MECOM: variants seen among roughly 807,000 people sequenced by gnomAD.
MECOM encodes MDS1 and EVI1 complex locus.
In MECOM, 13 loss-of-function variants were observed where a neutral mutation model predicts 116.3. The ratio of observed to expected loss-of-function variants is 0.11; its 90% CI spans 0.07 to 0.18. The LOEUF (loss-of-function observed/expected upper bound fraction) is 0.18. Among genes scored for constraint, MECOM ranks in the 10% least tolerant of loss-of-function variants. The pLI, the probability that MECOM is intolerant of heterozygous loss-of-function variation, is 1.00. For synonymous variants in MECOM, 528 were observed against 535.2 expected, an observed-to-expected ratio of 0.99 and a Z score of 0.19; for missense variants, 1,299 against 1,509.0, an observed-to-expected ratio of 0.86 and a Z score of 2.31.
intron 3 of MECOM, among the ~76,000 whole-genome samples, chr3:169,132,596 T>TACG: frequency 6.6e-6 from 1 of 152,142 alleles, no homozygotes; most frequent in Non-Finnish European, 1.5e-5. Flanking sequence ...AGACCAATTA[T>TACG]ATTATACCAC....
At chr3:169,101,021 G>T (rs767244139) in intron 11 of MECOM, 59 bp from the exon 12 acceptor site, 6 of 1,215,666 alleles carry the variant, frequency 4.9e-6, no homozygotes, top group Non-Finnish European at 6.0e-6. Flanking sequence ...TTTCACTCAT[G>T]CCACACAGCA....
chr3:169,381,235 A>G lies in MECOM; in HGVS notation c.327T>C (p.Tyr109=), dbSNP rs779150891. The G allele has an allele frequency of 3.7e-6, 6 of 1,613,426 alleles. No individual in the cohort carries two copies. The Admixed American group carries it at 6.7e-5, about 18-fold the overall frequency. ...TCAGGTTTGACCTCTGCTCTCCCAC[A>G]TAAGGCCCAAACTTTTCACCTACTT... ...KIEVGEKFGP[Y]VGEQRSNLKD... The change falls in exon 2 of 17, where the codon TAT becomes TAC. Residue 109 remains tyrosine (Y), a synonymous_variant. Coordinates refer to ENST00000651503, the MANE Select transcript of MECOM (RefSeq NM_004991.4).
At chr3:169,303,131 T>C (rs1302014966) in intron 2 of MECOM, among the ~76,000 whole-genome samples, 3 of 152,192 alleles carry the variant, frequency 2.0e-5, no homozygotes, top group Non-Finnish European at 4.4e-5. Context: ...TCAAGAGAAT[T>C]CTTTGGATTT....
intron 1 of MECOM, among the ~76,000 whole-genome samples, chr3:169,659,424 C>T (rs1320842863): frequency 1.4e-5 from 2 of 144,334 alleles, no homozygotes; most frequent in South Asian, 2.2e-4. Flanking sequence ...CGTAATTAAC[C>T]TTCCCCTAAA....
At chr3:169,096,896 C>A (rs750875194) in intron 12 of MECOM, among the ~76,000 whole-genome samples, 1 of 152,010 alleles carries the variant, frequency 6.6e-6, no homozygotes, top group Non-Finnish European at 1.5e-5. Context: ...CTTCAACTTT[C>A]CTCACTTACG....
At chr3:169,146,205 G>GAA (rs10662632) in intron 2 of MECOM, 101,760 of 922,564 alleles carry the variant, frequency 0.11, 995 homozygotes, top group Middle Eastern at 0.16. Context: ...ACAGCAAAAG[G>GAA]AAAAAAAAAA....
chr3:169,512,742 T>A (rs1402694408), intron 1 of MECOM, among the ~76,000 whole-genome samples: 4 of 151,848 alleles, frequency 2.6e-5, no homozygotes, highest in African/African-American at 9.7e-5. Context: ...CTCCACAGCA[T>A]CCCAGCTCCC....
At chr3:169,311,320 A>G (rs1305762851) in intron 2 of MECOM, among the ~76,000 whole-genome samples, 2 of 152,258 alleles carry the variant, frequency 1.3e-5, no homozygotes, top group Non-Finnish European at 2.9e-5. Context: ...AAGACCATGG[A>G]TAGTTCAAAA....
intron 9 of MECOM, among the ~76,000 whole-genome samples, chr3:169,108,227 C>T (rs1350541517): frequency 3.9e-5 from 6 of 152,154 alleles, no homozygotes; most frequent in Admixed American, 3.3e-4. Flanking sequence ...AAAGCAGATG[C>T]TTCCTTTTTA....
intron 2 of MECOM, among the ~76,000 whole-genome samples, chr3:169,354,563 A>G (rs1726920276): frequency 6.6e-6 from 1 of 151,924 alleles, no homozygotes. Context: ...GTTAAATCCT[A>G]GCCTAACCTT....
At chr3:169,431,416 C>T (rs1045427475) in intron 1 of MECOM, among the ~76,000 whole-genome samples, 8 of 152,140 alleles carry the variant, frequency 5.3e-5, no homozygotes, top group African/African-American at 9.7e-5. Context: ...ACTGGCTTAC[C>T]GTTGCTAGTA....
intron 1 of MECOM, among the ~76,000 whole-genome samples, chr3:169,517,622 C>CA (rs201746001): frequency 9.9e-5 from 15 of 151,584 alleles, no homozygotes; most frequent in South Asian, 4.2e-4. Flanking sequence ...TAATCTTATG[C>CA]AAAAAAAACC....
chr3:169,599,409 G>A (rs1410349236), intron 1 of MECOM, among the ~76,000 whole-genome samples: 1 of 151,820 alleles, frequency 6.6e-6, no homozygotes, highest in Non-Finnish European at 1.5e-5. Context: ...AGCTACTCGG[G>A]AGGCTGAGCA....
intron 1 of MECOM, among the ~76,000 whole-genome samples, chr3:169,535,032 G>A (rs1397864296): frequency 1.3e-5 from 2 of 152,196 alleles, no homozygotes; most frequent in Admixed American, 6.5e-5. Flanking sequence ...GCTGGTGAAC[G>A]CAGAAACAAC....
At chr3:169,632,880 A>G (rs1272728453) in intron 1 of MECOM, among the ~76,000 whole-genome samples, 2 of 152,224 alleles carry the variant, frequency 1.3e-5, no homozygotes, top group Non-Finnish European at 2.9e-5. Flanking sequence ...ATTTTGTAGG[A>G]TGCTTGTCCT....
chr3:169,471,779 C>T (rs1749290168), intron 1 of MECOM, among the ~76,000 whole-genome samples: 1 of 152,188 alleles, frequency 6.6e-6, no homozygotes, highest in African/African-American at 2.4e-5. Flanking sequence ...CATGTCGTTT[C>T]CCTCTTCTGT....
At chr3:169,609,946 T>C (rs867390886) in intron 1 of MECOM, among the ~76,000 whole-genome samples, 37 of 152,338 alleles carry the variant, frequency 2.4e-4, no homozygotes, top group South Asian at 6.2e-4. Flanking sequence ...TTATTCATTC[T>C]CTACTATGTT....
At position 169,122,683 on chromosome 3, in the gene MECOM, T is replaced by C. The variant is rs1731435108; in HGVS notation, c.875A>G (p.Lys292Arg). ...AAATGCCTTGGGACACTGATCACAC[T>C]TGTATTCCCTCTCTTCAGTATGTGA... ...MLSHTEEREY[K>R]CDQCPKAFNW... Residue 292 changes from lysine (K) to arginine (R), a missense_variant, in exon 6 of 17, where the codon AAG becomes AGG. This residue lies in a region of MECOM where 374 missense variants were observed against 433.4 expected (regional missense o/e 0.86). Coordinates refer to ENST00000651503, the MANE Select transcript of MECOM (RefSeq NM_004991.4). 6.2e-7 allele frequency: 1 copy of C among 1,613,912 alleles called. No individual in the cohort carries two copies. Among genetic ancestry groups the C allele is most frequent in the Non-Finnish European group, 8.5e-7 (1 of 1,179,920 alleles).
chr3:169,373,102 CTAAT>C (rs1303979139), intron 2 of MECOM, among the ~76,000 whole-genome samples: 3 of 152,010 alleles, frequency 2.0e-5, no homozygotes, highest in African/African-American at 7.2e-5. Flanking sequence ...CTTTCTATCA[CTAAT>C]TATTTTCAAG....
Sources: gnomAD v4.1 joint callset for allele counts (sites outside exome capture counted in the v4.1 genomes callset) on GRCh38, gnomAD v4.1.1 for gene constraint, gnomAD v4.1.1 regional missense constraint, MANE v1.5 for transcripts, NCBI Gene and HGNC (gene_info 2026-07-23, HGNC 2026-07-21) for gene names.